The following WWOX variants were observed in gnomAD, a reference collection of about 807,000 sequenced individuals.
WWOX encodes WW domain-containing oxidoreductase.
WWOX carries 69 observed loss-of-function variants against 46.2 expected under a neutral mutation model. The observed-to-expected ratio is 1.49, with a 90% CI of 1.23 to 1.82. The LOEUF (loss-of-function observed/expected upper bound fraction) is 1.82. Among genes scored for constraint, WWOX ranks in the 40% most tolerant of loss-of-function variants. The pLI is 0.00. For missense variants in WWOX, 919 were observed against 542.6 expected, an observed-to-expected ratio of 1.69 and a Z score of -6.89; for synonymous variants, 359 against 202.6, an observed-to-expected ratio of 1.77 and a Z score of -6.56.
intron 5 of WWOX, among the ~76,000 whole-genome samples, chr16:78,375,785 A>G (rs957330348): frequency 6.6e-6 from 1 of 152,216 alleles, no homozygotes; most frequent in Admixed American, 6.5e-5. Flanking sequence ...CAACAAAACA[A>G]AACAAAACAA....
intron 8 of WWOX, among the ~76,000 whole-genome samples, chr16:78,773,944 T>A (rs2142529409): frequency 6.6e-6 from 1 of 152,298 alleles, no homozygotes; most frequent in East Asian, 1.9e-4. Flanking sequence ...TTCATGGAAT[T>A]TGAAAACATG....
At chr16:78,749,211 C>G (rs1314717059) in intron 8 of WWOX, among the ~76,000 whole-genome samples, 2 of 152,126 alleles carry the variant, frequency 1.3e-5, no homozygotes, top group African/African-American at 2.4e-5. Flanking sequence ...GCATCACACA[C>G]AGACTACTGT....
chr16:78,658,494 T>C (rs1407511646), intron 8 of WWOX, among the ~76,000 whole-genome samples: 1 of 152,152 alleles, frequency 6.6e-6, no homozygotes, highest in Non-Finnish European at 1.5e-5. Context: ...CTCACAGTTT[T>C]GGAGGCCAGA....
intron 8 of WWOX, chr16:78,534,293 C>T (rs1330939453): frequency 6.6e-6 from 1 of 152,186 alleles, no homozygotes; most frequent in Non-Finnish European, 1.5e-5. Flanking sequence ...AGTGAATCAG[C>T]TTGCCCAGTG....
At chr16:78,314,186 C>A (rs914517387) in intron 5 of WWOX, among the ~76,000 whole-genome samples, 1 of 152,090 alleles carries the variant, frequency 6.6e-6, no homozygotes, top group African/African-American at 2.4e-5. Flanking sequence ...GCTGGCAGAT[C>A]ACGAGGTCAG....
intron 5 of WWOX, among the ~76,000 whole-genome samples, chr16:78,355,184 C>T (rs1301493602): frequency 6.6e-6 from 1 of 152,064 alleles, no homozygotes; most frequent in Non-Finnish European, 1.5e-5. Flanking sequence ...GTCTGCCAGT[C>T]ACTCTATAGT....
At chr16:78,989,449 C>T (rs1013197621) in intron 8 of WWOX, among the ~76,000 whole-genome samples, 1 of 152,206 alleles carries the variant, frequency 6.6e-6, no homozygotes, top group Non-Finnish European at 1.5e-5. Context: ...GGCATCCTGC[C>T]CATGCTGGCT....
chr16:78,821,024 C>G (rs992254892), intron 8 of WWOX, among the ~76,000 whole-genome samples: 1 of 152,182 alleles, frequency 6.6e-6, no homozygotes, highest in Non-Finnish European at 1.5e-5. Context: ...CATTCCTTAT[C>G]TTAATTACAT....
rs569757201 is a variant in WWOX at position 78,745,089 on chromosome 16, T to TAA, written c.1056+312344_1056+312345dup. Among the ~76,000 whole-genome samples, 275 of 151,858 alleles carry TAA rather than the reference T, an allele frequency of 1.8e-3. 1 individual carries two copies. The highest frequency in any genetic ancestry group is 6.1e-3 in the African/African-American group (252 of 41,414). ...ATGAAGAAATGGAGATCTCAAGAGG[T>TAA]AAAAAAAACTGACTATAGGAGCCAA... On this transcript the variant is annotated intron_variant, in intron 8 of 8. Coordinates refer to ENST00000566780, the MANE Select transcript of WWOX (RefSeq NM_016373.4).
At chr16:78,764,184 A>C (rs1432461627) in intron 8 of WWOX, among the ~76,000 whole-genome samples, 1 of 152,054 alleles carries the variant, frequency 6.6e-6, no homozygotes, top group Non-Finnish European at 1.5e-5. Flanking sequence ...AGGGTGCCAT[A>C]TTGTTCTCAG....
intron 8 of WWOX, among the ~76,000 whole-genome samples, chr16:78,489,350 T>C (rs1488056084): frequency 6.6e-6 from 1 of 152,098 alleles, no homozygotes. Context: ...ACATTGAGGA[T>C]TTTTTTCCTC....
At chr16:78,514,790 T>A (rs1257237878) in intron 8 of WWOX, among the ~76,000 whole-genome samples, 1 of 152,302 alleles carries the variant, frequency 6.6e-6, no homozygotes, top group Middle Eastern at 3.4e-3. Flanking sequence ...AATGTTACTA[T>A]AATTTGTCTG....
intron 5 of WWOX, among the ~76,000 whole-genome samples, chr16:78,335,576 A>T (rs1450977603): frequency 6.6e-6 from 1 of 152,166 alleles, no homozygotes; most frequent in East Asian, 1.9e-4. Context: ...ATACCATTTG[A>T]CCCAGCAATC....
chr16:78,285,717 A>G (rs960950814), intron 5 of WWOX, among the ~76,000 whole-genome samples: 2 of 152,198 alleles, frequency 1.3e-5, no homozygotes, highest in Non-Finnish European at 2.9e-5. Flanking sequence ...TAATCGGCCC[A>G]TATGTGCAGC....
chr16:78,268,933 TG>T (rs2079421427), intron 5 of WWOX, among the ~76,000 whole-genome samples: 1 of 152,186 alleles, frequency 6.6e-6, no homozygotes, highest in Non-Finnish European at 1.5e-5. Flanking sequence ...GAGGCAACCA[TG>T]ATTAGTATTT....
intron 6 of WWOX, among the ~76,000 whole-genome samples, chr16:78,399,449 G>T (rs925103514): frequency 6.7e-6 from 1 of 149,904 alleles, no homozygotes; most frequent in African/African-American, 2.4e-5. Context: ...GAGGGCTTCT[G>T]TTAAGAGTAA....
chr16:78,805,737 C>A (rs1597643041), intron 8 of WWOX, among the ~76,000 whole-genome samples: 1 of 152,176 alleles, frequency 6.6e-6, no homozygotes, highest in African/African-American at 2.4e-5. Flanking sequence ...TTGCCAACTT[C>A]CTTTAACTCT....
chr16:78,797,554 G>T (rs1466175564), intron 8 of WWOX, among the ~76,000 whole-genome samples: 1 of 152,078 alleles, frequency 6.6e-6, no homozygotes, highest in East Asian at 1.9e-4. Flanking sequence ...ACTCCAGTCT[G>T]GCTGCTTTTT....
chr16:78,975,307 A>G (rs528511986), intron 8 of WWOX, among the ~76,000 whole-genome samples: 1 of 152,130 alleles, frequency 6.6e-6, no homozygotes, highest in Non-Finnish European at 1.5e-5. Flanking sequence ...AGGATGAGGT[A>G]ATAGTGTGCT....
Sources: allele counts gnomAD v4.1 joint callset (sites outside exome capture counted in the v4.1 genomes callset), GRCh38; gene constraint gnomAD v4.1.1; transcripts MANE v1.5; gene names NCBI Gene and HGNC (gene_info 2026-07-23, HGNC 2026-07-21).